FBLN7: variants seen among roughly 807,000 people sequenced by gnomAD.
FBLN7 encodes the protein fibulin-7.
FBLN7 carries 31 observed loss-of-function variants against 44.0 expected under a neutral mutation model. The observed-to-expected ratio is 0.70, with a 90% confidence interval of 0.53 to 0.95. The LOEUF (loss-of-function observed/expected upper bound fraction) is 0.95, where lower values mean the gene tolerates loss of function less well. Ranked by LOEUF, FBLN7 falls within the 40% of genes least tolerant of loss-of-function variation. FBLN7 has a pLI of 0.00. For missense variants in FBLN7, 573 were observed against 618.5 expected, an observed-to-expected ratio of 0.93 and a Z score of 0.78; for synonymous variants, 262 against 253.4, an observed-to-expected ratio of 1.03 and a Z score of -0.32.
intron 1 of FBLN7, among the ~76,000 whole-genome samples, chr2:112,154,955 G>A (rs1429761087): frequency 2.0e-5 from 3 of 152,168 alleles, no homozygotes; most frequent in Middle Eastern, 3.2e-3. Flanking sequence ...CATAGAGCCT[G>A]CATCCTGTGG....
chr2:112,198,309 G>A, the FBLN7 span, among the ~76,000 whole-genome samples: 5 of 152,066 alleles, frequency 3.3e-5, no homozygotes, highest in South Asian at 2.1e-4. Flanking sequence ...TTATAAAAGC[G>A]GAGCTCACAT....
the FBLN7 span, chr2:112,230,927 T>A: frequency 7.8e-7 from 1 of 1,276,108 alleles, no homozygotes; most frequent in Non-Finnish European, 1.0e-6. Flanking sequence ...TTTATTTACA[T>A]GACTTCTTTT....
chr2:112,213,498 C>G, the FBLN7 span: 1 of 150,700 alleles, frequency 6.6e-6, no homozygotes, highest in South Asian at 2.2e-4. Flanking sequence ...GAGTTCTGGC[C>G]GGGTGCGGTG....
chr2:112,196,159 A>G, the FBLN7 span, among the ~76,000 whole-genome samples: 3 of 152,198 alleles, frequency 2.0e-5, no homozygotes, highest in Non-Finnish European at 4.4e-5. Context: ...TGAGCAAAAA[A>G]TGGTTCTTTG....
chr2:112,194,753 C>T, the FBLN7 span, among the ~76,000 whole-genome samples: 3 of 152,210 alleles, frequency 2.0e-5, no homozygotes, highest in African/African-American at 2.4e-5. Flanking sequence ...CCTGGCTTCC[C>T]GTCAGTGGGT....
chr2:112,146,260 C>A (rs544219150), intron 1 of FBLN7, among the ~76,000 whole-genome samples: 2 of 152,314 alleles, frequency 1.3e-5, no homozygotes, highest in East Asian at 3.9e-4. Flanking sequence ...GCAGAGATTG[C>A]AGTGAGCCAC....
chr2:112,238,252 A>G, the FBLN7 span: 1 of 1,513,668 alleles, frequency 6.6e-7, no homozygotes, highest in Non-Finnish European at 9.0e-7. Flanking sequence ...CTCTGTCCGT[A>G]TATGGACAAC....
chr2:112,142,768 T>TTGTGTGTG (rs60060928), intron 1 of FBLN7, among the ~76,000 whole-genome samples: 28,220 of 151,374 alleles, frequency 0.19, 3,944 homozygotes, highest in East Asian at 0.66. Context: ...ATGTGTGTGT[T>TTGTGTGTG]TGTGTGTGTG....
chr2:112,181,457 G>A (rs1364131970), intron 4 of FBLN7, among the ~76,000 whole-genome samples: 1 of 152,070 alleles, frequency 6.6e-6, no homozygotes, highest in Non-Finnish European at 1.5e-5. Flanking sequence ...GTGAAGACGT[G>A]GATTTGCCCC....
At chr2:112,227,479 C>T in the FBLN7 span, among the ~76,000 whole-genome samples, 6 of 152,178 alleles carry the variant, frequency 3.9e-5, no homozygotes, top group African/African-American at 2.4e-5. Flanking sequence ...GAACCGAGAT[C>T]GCGCCATTTG....
intron 1 of FBLN7, among the ~76,000 whole-genome samples, chr2:112,142,879 G>T (rs1269935120): frequency 6.6e-6 from 1 of 152,012 alleles, no homozygotes; most frequent in Non-Finnish European, 1.5e-5. Flanking sequence ...GTGAGTGATT[G>T]TATGTGTGAT....
At chr2:112,200,225 G>A in the FBLN7 span, among the ~76,000 whole-genome samples, 5 of 152,180 alleles carry the variant, frequency 3.3e-5, no homozygotes, top group Non-Finnish European at 7.3e-5. Context: ...GCTGTGAAGT[G>A]TGTATTAGGT....
Position 112,187,776 on chromosome 2 carries a change from A to G in FBLN7, c.*270A>G. On this transcript the variant is annotated 3_prime_UTR_variant, in exon 8 of 8. Coordinates refer to ENST00000331203, the MANE Select transcript of FBLN7 (RefSeq NM_153214.3). The surrounding 1 kb of genome is among the most constrained non-coding windows in gnomAD (Gnocchi z 5.1). Reference sequence around the variant, plus strand: ...TAACTTTCTTAAAACTTTTTCATCCAGGGGATGGGTGGCTTTCCAAAATGC... The same window carrying G: ...TAACTTTCTTAAAACTTTTTCATCCGGGGGATGGGTGGCTTTCCAAAATGC... 1 of 516,292 alleles carries G rather than the reference A, an allele frequency of 1.9e-6. No homozygotes were observed. The highest frequency in any genetic ancestry group is 3.4e-6 in the Non-Finnish European group (1 of 296,174). The allele number at this position is 516,292 out of a possible 1,614,324, so 32.0% of individuals were successfully genotyped here. A position where few individuals can be genotyped will look rare whatever the true frequency, so the allele number is the denominator to read the frequency against.
chr2:112,164,713 G>A (rs975653618), intron 2 of FBLN7, among the ~76,000 whole-genome samples: 5 of 152,212 alleles, frequency 3.3e-5, no homozygotes, highest in Admixed American at 6.5e-5. Context: ...GTGATGAAGC[G>A]GATCATTGCA....
the FBLN7 span, among the ~76,000 whole-genome samples, chr2:112,244,167 C>G: frequency 2.4e-4 from 36 of 152,142 alleles, 1 homozygote; most frequent in South Asian, 6.8e-3. Flanking sequence ...AGCCTTAAAG[C>G]TTCCAGAGAA....
chr2:112,237,551 A>G, the FBLN7 span, among the ~76,000 whole-genome samples: 1 of 151,764 alleles, frequency 6.6e-6, no homozygotes, highest in African/African-American at 2.4e-5. Flanking sequence ...AAAGAAAACA[A>G]CAAAAAAATG....
At chr2:112,185,778 C>T (rs923035366) in intron 7 of FBLN7, among the ~76,000 whole-genome samples, 7 of 152,022 alleles carry the variant, frequency 4.6e-5, no homozygotes, top group Middle Eastern at 3.2e-3. Flanking sequence ...ACTGCATATC[C>T]CGTGCACCCT....
the FBLN7 span, among the ~76,000 whole-genome samples, chr2:112,202,234 C>T: frequency 2.4e-4 from 36 of 152,186 alleles, no homozygotes; most frequent in African/African-American, 8.7e-4. Context: ...TAATTGTTTA[C>T]TGTCTCATTC....
At chr2:112,218,349 C>T in the FBLN7 span, among the ~76,000 whole-genome samples, 1 of 152,172 alleles carries the variant, frequency 6.6e-6, no homozygotes, top group East Asian at 1.9e-4. Flanking sequence ...GGAACATAGA[C>T]TCTTCTAGTG....
Sources: gnomAD v4.1 joint callset for allele counts (sites outside exome capture counted in the v4.1 genomes callset) on GRCh38, gnomAD v4.1.1 for gene constraint, Gnocchi (gnomAD v3.1) non-coding constraint, MANE v1.5 for transcripts, NCBI Gene and HGNC (gene_info 2026-07-23, HGNC 2026-07-21) for gene names.